Variants in MYZAP observed in about 807,000 individuals in gnomAD.
MYZAP encodes the protein GRINL1A complex locus upstream.
A neutral mutation model predicts 69.4 loss-of-function variants in MYZAP; 66 were observed. The observed-to-expected ratio is 0.95, with a 90% CI of 0.78 to 1.17. The LOEUF (loss-of-function observed/expected upper bound fraction) is 1.17, where lower values mean the gene tolerates loss of function less well. Among genes scored for constraint, MYZAP ranks in the 50% most tolerant of loss-of-function variants. MYZAP has a pLI of 0.00. For synonymous variants in MYZAP, 256 were observed against 205.9 expected, an observed-to-expected ratio of 1.24 and a Z score of -2.09; for missense variants, 611 against 556.2, an observed-to-expected ratio of 1.10 and a Z score of -0.99.
chr15:57,652,265 TC>T lies in MYZAP; in HGVS notation c.1120-9178del, dbSNP rs1199549833. The stretch of plus-strand genomic sequence containing the variant: ...TGTGGCCTTAATTCATTTCCTTTAC[TC>T]CCCCCCAAATGAGATAATGTACCAT... On this transcript the variant is annotated intron_variant, in intron 10 of 12. Transcript: ENST00000267853. Among the ~76,000 whole-genome samples the T allele has an allele frequency of 9.9e-5, 15 of 152,168 alleles. 1 individual carries two copies. Among genetic ancestry groups the T allele is most frequent in the Admixed American group, 4.6e-4 (7 of 15,278 alleles).
intron 5 of MYZAP, among the ~76,000 whole-genome samples, chr15:57,627,319 G>C (rs1331118439): frequency 6.9e-6 from 1 of 144,210 alleles, no homozygotes; most frequent in Non-Finnish European, 1.5e-5. Context: ...ACAGCCAAAG[G>C]AGCCTTATAG....
intron 4 of MYZAP, among the ~76,000 whole-genome samples, chr15:57,624,468 G>A (rs1287743024): frequency 6.6e-6 from 1 of 152,188 alleles, no homozygotes; most frequent in Non-Finnish European, 1.5e-5. Context: ...GAATGGGGCT[G>A]TATAAACATA....
At position 57,640,640 on chromosome 15, in the gene MYZAP, A is replaced by C. The variant is rs868164321; in HGVS notation, c.1119+1095A>C. Among the ~76,000 whole-genome samples the C allele has an allele frequency of 3.2e-4, 48 of 152,360 alleles. No individual in the cohort carries two copies. The Middle Eastern group carries it at 0.014, about 43-fold the overall frequency. On this transcript the variant is annotated intron_variant, in intron 10 of 12. Coordinates refer to ENST00000267853, the MANE Select transcript of MYZAP (RefSeq NM_001018100.5). The stretch of plus-strand genomic sequence containing the variant: ...AATCTCTAAGATATTGGGGATATTA[A>C]TGTTGGGGAGTTAAGGTCAGAGAAT...
At chr15:57,668,792 C>A (rs904990854) in intron 11 of MYZAP, among the ~76,000 whole-genome samples, 1 of 151,452 alleles carries the variant, frequency 6.6e-6, no homozygotes, top group Non-Finnish European at 1.5e-5. Flanking sequence ...GGATTCGAGT[C>A]CTTTGTCAGA....
At chr15:57,623,831 T>A in intron 4 of MYZAP, among the ~76,000 whole-genome samples, 1 of 146,680 alleles carries the variant, frequency 6.8e-6, no homozygotes, top group East Asian at 2.0e-4. Flanking sequence ...AAGCAAGTAA[T>A]CCCTTGAAGG....
intron 10 of MYZAP, chr15:57,647,187 A>G (rs778395943): frequency 5.1e-6 from 5 of 985,376 alleles, no homozygotes; most frequent in Non-Finnish European, 6.0e-6. Context: ...GCTTCTACCC[A>G]GCTTAAGCAA....
chr15:57,654,046 GGTTAGA>G (rs2037874197), intron 10 of MYZAP, among the ~76,000 whole-genome samples: 2 of 1,618 alleles, frequency 1.2e-3, no homozygotes, highest in South Asian at 0.056. Context: ...CCTATTTAGA[GGTTAGA>G]GGTTAGTTGG....
intron 10 of MYZAP, among the ~76,000 whole-genome samples, chr15:57,659,928 G>A (rs2140538797): frequency 6.6e-6 from 1 of 152,160 alleles, no homozygotes; most frequent in South Asian, 2.1e-4. Flanking sequence ...TTAATAATTA[G>A]GGTTCATTTT....
intron 1 of MYZAP, among the ~76,000 whole-genome samples, chr15:57,595,320 A>T (rs1461426049): frequency 6.6e-6 from 1 of 152,240 alleles, no homozygotes; most frequent in East Asian, 1.9e-4. Context: ...CCAGTTGTGC[A>T]CTAAAAATAG....
At chr15:57,647,551 A>G (rs888897900) in intron 10 of MYZAP, 13 of 985,360 alleles carry the variant, frequency 1.3e-5, no homozygotes, top group African/African-American at 7.0e-5. Flanking sequence ...CAGGTCACCC[A>G]TGTAAGTCCT....
rs2039047502 is a variant in MYZAP, at chr15:57,675,010, C to T, written c.1246C>T (p.Gln416Ter). ...QSRLDYLTET[Q>*]AKTEVETREI... Reference sequence around the variant, plus strand: ...CAGGTTGGACTATTTAACAGAAACCCAGGCCAAGACCGAAGTGGAAACCAG... The same window carrying T: ...CAGGTTGGACTATTTAACAGAAACCTAGGCCAAGACCGAAGTGGAAACCAG... The change falls in exon 12 of 13, where the codon CAG becomes TAG. Residue 416 changes from glutamine (Q) to a stop codon, truncating the protein, a stop_gained. Coordinates refer to ENST00000267853, the MANE Select transcript of MYZAP (RefSeq NM_001018100.5). LOFTEE classifies it high-confidence loss of function. 14 of 1,613,618 alleles carry T rather than the reference C, an allele frequency of 8.7e-6. No individual in the cohort carries two copies. The highest frequency in any genetic ancestry group is 1.2e-5 in the Non-Finnish European group (14 of 1,179,612).
chr15:57,631,733 T>C (rs1405646157), intron 6 of MYZAP, among the ~76,000 whole-genome samples: 1 of 152,238 alleles, frequency 6.6e-6, no homozygotes, highest in African/African-American at 2.4e-5. Context: ...TAACATCATG[T>C]AACCTATTGA....
At chr15:57,645,348 C>G (rs182925617) in intron 10 of MYZAP, among the ~76,000 whole-genome samples, 2 of 152,190 alleles carry the variant, frequency 1.3e-5, no homozygotes, top group African/African-American at 4.8e-5. Context: ...ATCTGGCTCT[C>G]TAGCCAGTTG....
chr15:57,645,875 G>A lies in MYZAP; in HGVS notation c.1119+6330G>A, dbSNP rs1000346144. On this transcript the variant is annotated intron_variant, in intron 10 of 12. Transcript: ENST00000267853. ...TCACAAGAATATTTATACAAAAAGC[G>A]ATTTTTAAGATTTAAATTTGCTTCA... is the stretch of plus-strand genomic sequence containing the variant. Among the ~76,000 whole-genome samples the A allele has an allele frequency of 3.3e-5, 5 of 152,162 alleles. No individual in the cohort carries two copies. The South Asian group carries it at 6.2e-4, about 19-fold the overall frequency.
At chr15:57,610,111 C>T (rs780629165) in intron 2 of MYZAP, among the ~76,000 whole-genome samples, 6 of 152,098 alleles carry the variant, frequency 3.9e-5, no homozygotes, top group Non-Finnish European at 8.8e-5. Context: ...AGGCAGATAC[C>T]GTTTTAAATA....
intron 1 of MYZAP, chr15:57,599,347 C>A: frequency 1.8e-6 from 1 of 564,628 alleles, no homozygotes; most frequent in Non-Finnish European, 2.3e-6. Context: ...TCCTTGGAGG[C>A]CAGCATTTTT....
intron 11 of MYZAP, among the ~76,000 whole-genome samples, chr15:57,670,431 G>A (rs753508084): frequency 5.9e-5 from 9 of 151,860 alleles, no homozygotes; most frequent in African/African-American, 1.4e-4. Flanking sequence ...TACTGTTTAC[G>A]TGCTATATAT....
chr15:57,595,257 A>T (rs1195660894), intron 1 of MYZAP, among the ~76,000 whole-genome samples: 1 of 152,242 alleles, frequency 6.6e-6, no homozygotes. Flanking sequence ...TCTGAAAGGC[A>T]TTTATGGATG....
At chr15:57,642,547 T>C (rs2037221263) in intron 10 of MYZAP, among the ~76,000 whole-genome samples, 1 of 152,176 alleles carries the variant, frequency 6.6e-6, no homozygotes, top group South Asian at 2.1e-4. Context: ...GTCTGGAAGC[T>C]CGTCTTCATC....
Sources: allele counts gnomAD v4.1 joint callset (sites outside exome capture counted in the v4.1 genomes callset), GRCh38; gene constraint gnomAD v4.1.1; transcripts MANE v1.5; gene names NCBI Gene and HGNC (gene_info 2026-07-23, HGNC 2026-07-21).